Variants in RAB11FIP3 observed in about 807,000 individuals in gnomAD.
RAB11FIP3 encodes RAB11 family interacting protein 3, also known as rab11 family-interacting protein 3.
RAB11FIP3 carries 17 observed loss-of-function variants against 77.8 expected under a neutral mutation model. That is an observed-to-expected ratio of 0.22 (90% CI 0.15 to 0.33). The LOEUF is 0.33. RAB11FIP3 is among the 10% of genes least tolerant of loss of function. The pLI, the probability that RAB11FIP3 is intolerant of heterozygous loss-of-function variation, is 1.00. For missense variants in RAB11FIP3, 1,005 were observed against 1,011.2 expected (o/e 0.99, Z 0.08); for synonymous variants, 437 against 448.2 (o/e 0.98, Z 0.31).
Position 482,605 on chromosome 16 carries a change from C to G in RAB11FIP3, c.984C>G (p.Thr328=). The G allele has an allele frequency of 6.2e-7, 1 of 1,613,578 alleles. No homozygotes were observed. The highest frequency in any genetic ancestry group is 8.5e-7 in the Non-Finnish European group (1 of 1,180,048). ...GTGAGACCTTCACGGACGAGGACACCAGCACCCTGGTGCACCCTGAGCTGC... is the reference window on the plus strand; with the variant it reads ...GTGAGACCTTCACGGACGAGGACACGAGCACCCTGGTGCACCCTGAGCTGC... The part of the protein sequence containing the change: ...SECETFTDED[T]STLVHPELQP... The change falls in exon 4 of 14, where the codon ACC becomes ACG. Residue 328 remains threonine, a synonymous_variant. Coordinates refer to ENST00000262305, the MANE Select transcript of RAB11FIP3 (RefSeq NM_014700.4).
At chr16:477,952 C>G (rs1418085222) in intron 3 of RAB11FIP3, among the ~76,000 whole-genome samples, 1 of 152,120 alleles carries the variant, frequency 6.6e-6, no homozygotes, top group Non-Finnish European at 1.5e-5. Flanking sequence ...GAGGTGGCCA[C>G]CTTGTGAGAC....
intron 1 of RAB11FIP3, among the ~76,000 whole-genome samples, chr16:446,359 G>C (rs2055317243): frequency 6.6e-6 from 1 of 152,220 alleles, no homozygotes; most frequent in Admixed American, 6.5e-5. Flanking sequence ...GCAGGGCACT[G>C]AGGCTTGTTT....
In RAB11FIP3 at chr16:426,415, T is replaced by C; in HGVS notation, c.409T>C (p.Cys137Arg). ...EEPEECGPASCPESAPFRLQG... is the reference protein window; with the variant it reads ...EEPEECGPASRPESAPFRLQG... ...GCCCGAGGAGTGTGGCCCCGCGAGC[T>C]GCCCGGAGAGCGCGCCTTTCCGCTT... The change falls in exon 1 of 14, where the codon TGC becomes CGC. Residue 137 changes from cysteine (C) to arginine (R), a missense_variant. Cys to Arg is a radical substitution (Grantham distance 180). Coordinates refer to ENST00000262305, the MANE Select transcript of RAB11FIP3 (RefSeq NM_014700.4). This position sits in a 1 kb window ranked among gnomAD's most constrained non-coding sequence, Gnocchi z 5.0. 6.3e-7 allele frequency: 1 copy of C among 1,584,358 alleles called. No individual in the cohort carries two copies. Among genetic ancestry groups the C allele is most frequent in the South Asian group, 1.1e-5 (1 of 87,222 alleles).
In RAB11FIP3 at chr16:510,730, C is replaced by T. The variant is rs754886804; in HGVS notation, c.1570C>T (p.Arg524Trp). The change falls in exon 9 of 14, where the codon CGG (arginine) becomes TGG (tryptophan). Residue 524 changes from arginine (R) to tryptophan (W), a missense_variant. This residue lies in a region of RAB11FIP3 where 433 missense variants were observed against 436.1 expected (regional missense o/e 0.99). Transcript: ENST00000262305. ...RACEMVLEET[R>W]RQKELLCKME... ...CTGCGAGATGGTCCTGGAAGAGACC[C>T]GGCGTCAGAAGGAGCTCCTGTGCAA... is the stretch of plus-strand genomic sequence containing the variant. 11 of 1,613,154 alleles carry T rather than the reference C, an allele frequency of 6.8e-6. No individual in the cohort carries two copies. The highest frequency in any genetic ancestry group is 3.3e-5 in the Admixed American group (2 of 59,964).
intron 8 of RAB11FIP3, among the ~76,000 whole-genome samples, chr16:508,061 G>T (rs550419052): frequency 5.3e-5 from 8 of 152,224 alleles, no homozygotes; most frequent in Non-Finnish European, 7.3e-5. Flanking sequence ...CATTTTCTGA[G>T]TATGTCACTG....
rs1464897434 is a variant in RAB11FIP3 at position 506,474 on chromosome 16, C to A, written c.1499+847C>A. ...GCTGCGCGGGCACATCCCGGCTCTT[C>A]CACATATTCTCAGCTCGGCCAAGGG... On this transcript the variant is annotated intron_variant, in intron 8 of 13. Coordinates refer to ENST00000262305, the MANE Select transcript of RAB11FIP3 (RefSeq NM_014700.4). This position sits in a 1 kb window ranked among gnomAD's most constrained non-coding sequence, Gnocchi z 4.5. Among the ~76,000 whole-genome samples, 1 of 152,176 alleles carries A rather than the reference C, an allele frequency of 6.6e-6. No homozygotes were observed. Among genetic ancestry groups the A allele is most frequent in the Non-Finnish European group, 1.5e-5 (1 of 68,040 alleles).
intron 5 of RAB11FIP3, among the ~76,000 whole-genome samples, chr16:495,602 G>C (rs1444668052): frequency 6.6e-6 from 1 of 152,140 alleles, no homozygotes; most frequent in African/African-American, 2.4e-5. Context: ...TTCACTCCTC[G>C]GCTCCCTCTG....
chr16:454,447 C>G (rs1450743944), intron 1 of RAB11FIP3, among the ~76,000 whole-genome samples: 1 of 152,116 alleles, frequency 6.6e-6, no homozygotes, highest in Non-Finnish European at 1.5e-5. Flanking sequence ...TTTGGTGACA[C>G]TCACCTCTAG....
intron 5 of RAB11FIP3, among the ~76,000 whole-genome samples, chr16:492,391 C>T (rs1019733494): frequency 7.0e-6 from 1 of 142,802 alleles, no homozygotes; most frequent in African/African-American, 2.7e-5. Flanking sequence ...CGCCCAGAGC[C>T]CTCCCCGGGA....
chr16:492,582 G>A (rs945803405), intron 5 of RAB11FIP3, among the ~76,000 whole-genome samples: 6 of 141,312 alleles, frequency 4.2e-5, no homozygotes, highest in African/African-American at 1.5e-4. Context: ...TGTTTTAGGG[G>A]AAATCAGTTT....
At chr16:477,561 C>T (rs2055942449) in intron 3 of RAB11FIP3, 16 of 947,200 alleles carry the variant, frequency 1.7e-5, no homozygotes, top group Non-Finnish European at 1.9e-5. Context: ...CCCGCCTTTT[C>T]CTGCCTGGCG....
chr16:468,918 G>C (rs534123592), intron 2 of RAB11FIP3, among the ~76,000 whole-genome samples: 83 of 152,322 alleles, frequency 5.4e-4, no homozygotes, highest in African/African-American at 1.9e-3. Flanking sequence ...CCCTCAGATT[G>C]TTTGCCCACT....
At chr16:519,606 C>G (rs1031478130) in intron 10 of RAB11FIP3, 148 bp from the exon 11 acceptor site, 3 of 1,069,992 alleles carry the variant, frequency 2.8e-6, no homozygotes, top group Non-Finnish European at 4.0e-6. Flanking sequence ...GGCAGGAAGG[C>G]TCAGACCCAG....
chr16:426,660 G>T lies in RAB11FIP3; in HGVS notation c.654G>T (p.Gly218=). Residue 218 remains glycine, a synonymous_variant, in exon 1 of 14, where the codon GGG becomes GGT. Transcript: ENST00000262305. This position sits in a 1 kb window ranked among gnomAD's most constrained non-coding sequence, Gnocchi z 5.0. The part of the protein sequence containing the change: ...RAVFDALDGD[G]DGFVRIEDFI... ...TGTTCGATGCCCTGGACGGGGATGG[G>T]GACGGTTTCGTCCGCATCGAGGACT... The T allele has an allele frequency of 6.4e-7, 1 of 1,567,208 alleles. No homozygotes were observed. Among genetic ancestry groups the T allele is most frequent in the Non-Finnish European group, 8.6e-7 (1 of 1,158,128 alleles).
chr16:458,418 G>A (rs1381059311), intron 1 of RAB11FIP3, among the ~76,000 whole-genome samples: 3 of 151,488 alleles, frequency 2.0e-5, no homozygotes, highest in Admixed American at 6.6e-5. Flanking sequence ...CGGGTTCACC[G>A]ATGCCCACAG....
chr16:520,849 G>T lies in RAB11FIP3; in HGVS notation c.*10G>T, dbSNP rs746577088. On this transcript the variant is annotated 3_prime_UTR_variant, in exon 14 of 14. Coordinates refer to ENST00000262305, the MANE Select transcript of RAB11FIP3 (RefSeq NM_014700.4). ...CCTGGAGGTCAAGTAGAGGCAGGAAGGTCCAGCCTGAGCTGGATTCGGGAC... is the reference window on the plus strand; with the variant it reads ...CCTGGAGGTCAAGTAGAGGCAGGAATGTCCAGCCTGAGCTGGATTCGGGAC... The T allele has an allele frequency of 1.1e-5, 18 of 1,608,110 alleles. 1 individual carries two copies. The highest frequency in any genetic ancestry group is 5.5e-5 in the South Asian group (5 of 90,992).
chr16:497,416 T>A, intron 6 of RAB11FIP3: 6 of 1,260,696 alleles, frequency 4.8e-6, no homozygotes, highest in Non-Finnish European at 6.2e-6. Context: ...AGCCACTCAG[T>A]GTGGCTGCCG....
chr16:498,514 T>C (rs1271754295), intron 6 of RAB11FIP3, among the ~76,000 whole-genome samples: 3 of 152,162 alleles, frequency 2.0e-5, no homozygotes, highest in Non-Finnish European at 4.4e-5. Context: ...TCTTCTCTTT[T>C]CTTGGCTTTC....
intron 1 of RAB11FIP3, among the ~76,000 whole-genome samples, chr16:440,138 C>T (rs1213360429): frequency 2.6e-5 from 4 of 151,980 alleles, no homozygotes; most frequent in Admixed American, 6.6e-5. Flanking sequence ...CCACCGCGCC[C>T]GGCCTTCTTG....
Sources: allele counts gnomAD v4.1 joint callset (sites outside exome capture counted in the v4.1 genomes callset), GRCh38; gene constraint gnomAD v4.1.1; regional missense constraint gnomAD v4.1.1; non-coding constraint Gnocchi (gnomAD v3.1); transcripts MANE v1.5; gene names NCBI Gene and HGNC (gene_info 2026-07-23, HGNC 2026-07-21).